Variants in RANGAP1 observed in about 807,000 individuals in gnomAD.
RANGAP1 encodes Ran GTPase activating protein 1, also known as ran GTPase-activating protein 1.
RANGAP1 carries 38 observed loss-of-function variants against 63.5 expected under a neutral mutation model. The observed-to-expected ratio is 0.60, with a 90% CI of 0.46 to 0.78. The LOEUF is 0.78. Ranked by LOEUF, RANGAP1 falls within the 30% of genes least tolerant of loss-of-function variation. The pLI is 0.00. For missense variants in RANGAP1, 630 were observed against 740.3 expected, an observed-to-expected ratio of 0.85 and a Z score of 1.73; for synonymous variants, 329 against 310.5, an observed-to-expected ratio of 1.06 and a Z score of -0.63.
At chr22:41,288,765 C>G (rs2035801975), upstream of RANGAP1, among the ~76,000 whole-genome samples, 2 of 151,048 alleles carry the variant, frequency 1.3e-5, no homozygotes, top group African/African-American at 4.9e-5. Flanking sequence ...TGGGAGGTAA[C>G]AGGAAGTCAT....
intron 13 of RANGAP1, 59 bp downstream of exon 13, chr22:41,250,948 C>CT: frequency 7.1e-7 from 1 of 1,416,292 alleles, no homozygotes; most frequent in Non-Finnish European, 9.9e-7. Flanking sequence ...CGAAGGATAC[C>CT]TGGGGCCCAC....
chr22:41,254,648 A>G (rs2033703091), intron 10 of RANGAP1, 154 bp from the exon 11 acceptor site: 6 of 985,034 alleles, frequency 6.1e-6, no homozygotes, highest in Non-Finnish European at 7.2e-6. Flanking sequence ...GGGCAGGTGG[A>G]TCACCAGGGA....
chr22:41,280,780 C>T, intron 2 of RANGAP1, 153 bp downstream of exon 2: 12 of 1,528,060 alleles, frequency 7.9e-6, no homozygotes, highest in Non-Finnish European at 1.1e-5. Context: ...GATCTCTGAG[C>T]CTCATTGTTA....
At position 41,252,974 on chromosome 22, in the gene RANGAP1, C is replaced by A; in HGVS notation, c.1278G>T (p.Leu426=). 2 of 1,523,082 alleles carry A rather than the reference C, an allele frequency of 1.3e-6. No homozygotes were observed. Among genetic ancestry groups the A allele is most frequent in the Non-Finnish European group, 1.8e-6 (2 of 1,138,496 alleles). 94.3% of individuals were successfully genotyped at this position (1,523,082 alleles called of 1,614,324 possible). Residue 426 remains leucine (L), a synonymous_variant, in exon 12 of 16, where the codon CTG becomes CTT. Coordinates refer to ENST00000356244, the MANE Select transcript of RANGAP1 (RefSeq NM_002883.4). The part of the protein sequence containing the change: ...DPNTGEPAPV[L]SSPPPADVST... ...AGACGTCTGCAGGAGGTGGGGAGGA[C>A]AGCACGGGAGCTGGCTCCTGGGAAG...
the RANGAP1 span, among the ~76,000 whole-genome samples, chr22:41,293,748 C>T: frequency 7.3e-6 from 1 of 136,260 alleles, no homozygotes; most frequent in African/African-American, 2.9e-5. Flanking sequence ...CACTGCACTC[C>T]AGACTCTGTC....
rs888234102 is a variant in RANGAP1 at position 41,285,583 on chromosome 22, C to A, written c.-39+403G>T. The A allele has an allele frequency of 2.5e-5, 25 of 985,360 alleles. No homozygotes were observed. The African/African-American group carries it at 4.0e-4, about 16-fold the overall frequency. The allele number at this position is 985,360 out of a possible 1,614,324, so 61.0% of individuals were successfully genotyped here. ...CAGCGGCGCCAGCCCGGGGCCCCCG[C>A]GGGCGTGGGCCTGCTGGGAGGTGGC... is the stretch of plus-strand genomic sequence containing the variant. On this transcript the variant is annotated intron_variant, in intron 1 of 15. Transcript: ENST00000356244.
In RANGAP1 at chr22:41,279,716, C is replaced by A. The variant is rs375505874; in HGVS notation, c.112+1217G>T. 3.0e-4 allele frequency among the ~76,000 whole-genome samples: 44 copies of A among 147,504 alleles called. 1 individual carries two copies. The East Asian group carries it at 6.9e-3, about 23-fold the overall frequency. Reference sequence around the variant, plus strand: ...ATTTGGGAGGCTGAGGCAGGAGAATCGCTTGAACCTGGGAGACAGAAGTTG... The same window carrying A: ...ATTTGGGAGGCTGAGGCAGGAGAATAGCTTGAACCTGGGAGACAGAAGTTG... On this transcript the variant is annotated intron_variant, in intron 2 of 15. Transcript: ENST00000356244.
Position 41,273,506 on chromosome 22 carries a change from G to A in RANGAP1, c.240+1094C>T, listed in dbSNP as rs1601685485. Among the ~76,000 whole-genome samples, 4 of 152,046 alleles carry A rather than the reference G, an allele frequency of 2.6e-5. No individual in the cohort carries two copies. The East Asian group carries it at 5.8e-4, about 22-fold the overall frequency. On this transcript the variant is annotated intron_variant, in intron 3 of 15. Transcript: ENST00000356244. ...TTGCCAGCCGCACGCAGTGGCTCAC[G>A]CCTGTAATCCCAGCACATTGGGAGG...
intron 6 of RANGAP1, among the ~76,000 whole-genome samples, chr22:41,259,876 C>CA (rs1207418135): frequency 6.6e-6 from 1 of 152,098 alleles, no homozygotes; most frequent in Non-Finnish European, 1.5e-5. Flanking sequence ...CATGGTGGTG[C>CA]ACACCTGTAG....
chr22:41,256,393 G>C, intron 8 of RANGAP1, 103 bp from the exon 9 acceptor site: 1 of 1,181,008 alleles, frequency 8.5e-7, no homozygotes, highest in Non-Finnish European at 1.2e-6. Flanking sequence ...GGCAGGCTCT[G>C]TCCTCCAGGT....
intron 3 of RANGAP1, among the ~76,000 whole-genome samples, chr22:41,271,619 G>A (rs1204310096): frequency 6.6e-6 from 1 of 151,710 alleles, no homozygotes; most frequent in Non-Finnish European, 1.5e-5. Context: ...GCATGAACCC[G>A]GGAGGCGGAG....
At chr22:41,285,358 C>G in intron 1 of RANGAP1, 1 of 374,062 alleles carries the variant, frequency 2.7e-6, no homozygotes, top group Non-Finnish European at 3.7e-6. Flanking sequence ...CCCCTCCACA[C>G]TCACTTTATA....
At chr22:41,280,647 G>A in intron 2 of RANGAP1, 1 of 1,335,104 alleles carries the variant, frequency 7.5e-7, no homozygotes, top group East Asian at 4.0e-5. Flanking sequence ...GCTGTATCTT[G>A]GGACTGGCAC....
chr22:41,294,384 C>T, the RANGAP1 span, among the ~76,000 whole-genome samples: 2 of 152,086 alleles, frequency 1.3e-5, no homozygotes, highest in Admixed American at 6.5e-5. Context: ...AGTGCAGTGG[C>T]GTGATCTCGG....
intron 1 of RANGAP1, 37 bp from the exon 2 acceptor site, chr22:41,281,119 T>C: frequency 6.6e-7 from 1 of 1,504,526 alleles, no homozygotes; most frequent in Non-Finnish European, 8.8e-7. Context: ...AAAAGGAGTC[T>C]CCTGGGGCCC....
chr22:41,271,852 C>T (rs760195654), intron 3 of RANGAP1, among the ~76,000 whole-genome samples: 13 of 152,204 alleles, frequency 8.5e-5, no homozygotes, highest in African/African-American at 2.7e-4. Flanking sequence ...ATCAGCACTA[C>T]GCCCGGAACA....
chr22:41,270,850 G>C (rs988410613), intron 3 of RANGAP1, among the ~76,000 whole-genome samples: 1 of 152,248 alleles, frequency 6.6e-6, no homozygotes, highest in Non-Finnish European at 1.5e-5. Context: ...GCCAGGAACA[G>C]GCAGCCGGAG....
At chr22:41,250,835 A>G (rs188666199) in intron 13 of RANGAP1, among the ~76,000 whole-genome samples, 172 bp downstream of exon 13, 4 of 152,138 alleles carry the variant, frequency 2.6e-5, no homozygotes. Flanking sequence ...CAGGGAGAAG[A>G]GCAGCCAGCT....
intron 8 of RANGAP1, 72 bp downstream of exon 8, chr22:41,256,639 G>T: frequency 1.5e-6 from 2 of 1,364,576 alleles, no homozygotes; most frequent in Non-Finnish European, 2.0e-6. Flanking sequence ...CTTCAGACCA[G>T]ACCCCTGTGC....
Sources: gnomAD v4.1 joint callset for allele counts (sites outside exome capture counted in the v4.1 genomes callset) on GRCh38, gnomAD v4.1.1 for gene constraint, MANE v1.5 for transcripts, NCBI Gene and HGNC (gene_info 2026-07-23, HGNC 2026-07-21) for gene names.